The following ANKFY1 variants were observed in gnomAD, a reference collection of about 807,000 sequenced individuals.
The protein encoded by ANKFY1 is ankyrin repeat and FYVE domain-containing protein 1.
Under a neutral mutation model 128.3 loss-of-function variants are expected in ANKFY1, and 47 were observed. The ratio of observed to expected loss-of-function variants is 0.37; its 90% confidence interval spans 0.29 to 0.47. ANKFY1 has a LOEUF of 0.47. Ranked by LOEUF, ANKFY1 falls within the 20% of genes least tolerant of loss-of-function variation. ANKFY1 has a pLI of 1.00. For missense variants in ANKFY1, 1,222 were observed against 1,510.6 expected (o/e 0.81, Z 3.17); for synonymous variants, 553 against 601.6 (o/e 0.92, Z 1.18).
At chr17:4,223,288 T>C (rs1193970362) in intron 3 of ANKFY1, 11 of 1,007,876 alleles carry the variant, frequency 1.1e-5, no homozygotes, top group Non-Finnish European at 1.7e-5. Context: ...TTCACTTGTT[T>C]TTACGGCAGT....
intron 4 of ANKFY1, among the ~76,000 whole-genome samples, chr17:4,211,895 A>C (rs1374938105): frequency 9.1e-6 from 1 of 109,648 alleles, no homozygotes; most frequent in East Asian, 2.7e-4. Flanking sequence ...CAAAAAAAAA[A>C]CAAAACAAAA....
At position 4,181,084 on chromosome 17, in the gene ANKFY1, T is replaced by C; in HGVS notation, c.2240+170A>G. The C allele has an allele frequency of 1.7e-6, 1 of 583,946 alleles. No individual in the cohort carries two copies. The highest frequency in any genetic ancestry group is 3.1e-6 in the Non-Finnish European group (1 of 325,388). The allele number at this position is 583,946 out of a possible 1,614,324, so 36.2% of individuals were successfully genotyped here. ...GAGCTCCTCCCGTCACAAGTGAGCC[T>C]GGCTCCTGGCTGACTTGACATGACA... On this transcript the variant is annotated intron_variant, in intron 16 of 24. Coordinates refer to ENST00000341657, the MANE Select transcript of ANKFY1 (RefSeq NM_001330063.2). This position sits in a 1 kb window ranked among gnomAD's most constrained non-coding sequence, Gnocchi z 4.9.
intron 19 of ANKFY1, among the ~76,000 whole-genome samples, chr17:4,176,819 C>T (rs1026256269): frequency 6.6e-6 from 1 of 152,218 alleles, no homozygotes; most frequent in Admixed American, 6.5e-5. Flanking sequence ...ACTTCAAAGT[C>T]CCAGTTGAAT....
intron 11 of ANKFY1, chr17:4,188,068 C>T (rs1032582324): frequency 6.6e-6 from 1 of 152,426 alleles, no homozygotes; most frequent in Non-Finnish European, 1.5e-5. Context: ...GAGACAGAGA[C>T]ACACGATGGC....
In ANKFY1 at chr17:4,195,152, C is replaced by T. The variant is rs773662764; in HGVS notation, c.1198G>A (p.Glu400Lys). 8 of 1,610,254 alleles carry T rather than the reference C, an allele frequency of 5.0e-6. No individual in the cohort carries two copies. The East Asian group carries it at 1.1e-4, about 22-fold the overall frequency. The change falls in exon 10 of 25, where the codon GAG becomes AAG. Residue 400 changes from glutamate to lysine, a missense_variant. Glu to Lys is a moderately conservative substitution (Grantham distance 56, BLOSUM62 1). Transcript: ENST00000341657. ...KQLDLELKDH[E>K]GSTALWLAVQ... ...GCCAGCCACAGAGCCGTGCTGCCCT[C>T]GTGGTCTTTGAGTTCTAAATCTAGT...
At chr17:4,253,767 G>A (rs1358516877) in intron 1 of ANKFY1, among the ~76,000 whole-genome samples, 1 of 152,138 alleles carries the variant, frequency 6.6e-6, no homozygotes, top group Non-Finnish European at 1.5e-5. Context: ...GAACCATGTG[G>A]CATGCGTGGT....
chr17:4,206,992 T>C (rs966524186), intron 6 of ANKFY1, among the ~76,000 whole-genome samples: 13 of 152,126 alleles, frequency 8.5e-5, no homozygotes, highest in East Asian at 5.8e-4. Context: ...AAGACGGACA[T>C]GTCCTAATCC....
At chr17:4,185,499 G>A (rs548016169) in intron 11 of ANKFY1, among the ~76,000 whole-genome samples, 2 of 151,846 alleles carry the variant, frequency 1.3e-5, no homozygotes, top group African/African-American at 2.4e-5. Flanking sequence ...CACCACGCCC[G>A]GCCCATTTTT....
intron 19 of ANKFY1, 44 bp downstream of exon 19, chr17:4,177,082 C>T (rs2059422857): frequency 6.7e-7 from 1 of 1,497,328 alleles, no homozygotes; most frequent in Non-Finnish European, 9.0e-7. Context: ...CTACAATATG[C>T]TTTGACAACA....
chr17:4,262,508 C>A (rs1968473891), intron 1 of ANKFY1, among the ~76,000 whole-genome samples: 1 of 152,158 alleles, frequency 6.6e-6, no homozygotes, highest in Non-Finnish European at 1.5e-5. Flanking sequence ...GCGATCCTCC[C>A]ACCTCGGCCT....
chr17:4,195,160 T>G lies in ANKFY1; in HGVS notation c.1190A>C (p.Lys397Thr). ...CAGAGCCGTGCTGCCCTCGTGGTCT[T>G]TGAGTTCTAAATCTAGTCTGAAAAG... ...LQCKQLDLEL[K>T]DHEGSTALWL... Residue 397 changes from lysine to threonine, a missense_variant, in exon 10 of 25, where the codon AAA becomes ACA. Transcript: ENST00000341657. The G allele has an allele frequency of 6.2e-7, 1 of 1,609,400 alleles. No individual in the cohort carries two copies. The highest frequency in any genetic ancestry group is 8.5e-7 in the Non-Finnish European group (1 of 1,176,380).
intron 3 of ANKFY1, among the ~76,000 whole-genome samples, chr17:4,217,420 T>C (rs2060239710): frequency 6.6e-6 from 1 of 152,104 alleles, no homozygotes; most frequent in Non-Finnish European, 1.5e-5. Context: ...CCTGGTGGCG[T>C]GCACCTGTAA....
chr17:4,193,391 G>A (rs1448018683), intron 10 of ANKFY1, among the ~76,000 whole-genome samples: 2 of 148,440 alleles, frequency 1.3e-5, no homozygotes, highest in Non-Finnish European at 3.0e-5. Context: ...GAGTAGCTCA[G>A]AGTACAGGCA....
intron 4 of ANKFY1, among the ~76,000 whole-genome samples, chr17:4,215,996 G>A (rs2060214919): frequency 6.6e-6 from 1 of 152,224 alleles, no homozygotes; most frequent in Non-Finnish European, 1.5e-5. Flanking sequence ...ATAGCCTAAT[G>A]CTGTATGCAC....
chr17:4,190,895 T>C (rs1283804402), intron 10 of ANKFY1, among the ~76,000 whole-genome samples: 1 of 152,148 alleles, frequency 6.6e-6, no homozygotes, highest in African/African-American at 2.4e-5. Context: ...CCCAGCACTT[T>C]GGGAGGCTGA....
intron 1 of ANKFY1, among the ~76,000 whole-genome samples, chr17:4,243,928 A>C (rs1598139829): frequency 1.4e-5 from 2 of 144,816 alleles, no homozygotes; most frequent in Admixed American, 7.3e-5. Flanking sequence ...AACAAAGATA[A>C]ACAATTTTTT....
intron 19 of ANKFY1, among the ~76,000 whole-genome samples, chr17:4,176,546 T>C (rs2059414521): frequency 6.6e-6 from 1 of 152,186 alleles, no homozygotes; most frequent in African/African-American, 2.4e-5. Flanking sequence ...CACAGCTCTT[T>C]CAACTCTACT....
intron 3 of ANKFY1, among the ~76,000 whole-genome samples, chr17:4,225,414 T>A (rs117908033): frequency 0.011 from 1,648 of 152,262 alleles, 27 homozygotes; most frequent in Non-Finnish European, 0.015. Context: ...GTATCATTTT[T>A]ATCAATAAAT....
intron 7 of ANKFY1, among the ~76,000 whole-genome samples, chr17:4,200,270 C>T (rs2059904507): frequency 6.6e-6 from 1 of 152,076 alleles, no homozygotes; most frequent in South Asian, 2.1e-4. Flanking sequence ...GCTACCATTG[C>T]CCAAGCTGGT....
Sources: gnomAD v4.1 joint callset for allele counts (sites outside exome capture counted in the v4.1 genomes callset) on GRCh38, gnomAD v4.1.1 for gene constraint, Gnocchi (gnomAD v3.1) non-coding constraint, MANE v1.5 for transcripts, NCBI Gene and HGNC (gene_info 2026-07-23, HGNC 2026-07-21) for gene names.